Variants in TRAK1 observed in about 807,000 individuals in gnomAD.
TRAK1 encodes trafficking kinesin protein 1.
TRAK1 carries 33 observed loss-of-function variants against 92.1 expected under a neutral mutation model. That is an observed-to-expected ratio of 0.36 (90% CI 0.27 to 0.48). The LOEUF is 0.48. Among genes scored for constraint, TRAK1 ranks in the 20% least tolerant of loss-of-function variants. The probability of loss-of-function intolerance (pLI) is 0.99; values close to 1 mark genes in which losing one functional copy is unlikely to be tolerated. For missense variants in TRAK1, 1,123 were observed against 1,257.9 expected (o/e 0.89, Z 1.62); for synonymous variants, 521 against 517.3 (o/e 1.01, Z -0.10).
Position 42,193,124 on chromosome 3 carries a change from G to A in TRAK1, c.819G>A (p.Lys273=). The change falls in exon 8 of 16, where the codon AAG becomes AAA. Residue 273 remains lysine, a synonymous_variant. Coordinates refer to ENST00000327628, the MANE Select transcript of TRAK1 (RefSeq NM_001042646.3). ...GTATCTCAGAGGAACTGGCCAAGAA[G>A]ACGGAAGATGCTGCCCGCCAGCAAG... ...IASISEELAK[K]TEDAARQQEE... 1.2e-6 allele frequency: 2 copies of A among 1,614,236 alleles called. No individual in the cohort carries two copies. The highest frequency in any genetic ancestry group is 1.7e-6 in the Non-Finnish European group (2 of 1,180,030).
chr3:42,041,582 C>T (rs1702540466), intron 1 of TRAK1, among the ~76,000 whole-genome samples: 1 of 142,370 alleles, frequency 7.0e-6, no homozygotes, highest in African/African-American at 2.8e-5. Flanking sequence ...ATTCTTCCTC[C>T]TCAATATGAG....
rs1361300218 is a variant in TRAK1, at chr3:42,030,727, T to C, written c.-519+16610T>C. 3.0e-5 allele frequency among the ~76,000 whole-genome samples: 2 copies of C among 66,778 alleles called. 1 individual carries two copies. Among genetic ancestry groups the C allele is most frequent in the Non-Finnish European group, 6.5e-5 (2 of 30,908 alleles). 43.8% of individuals were successfully genotyped at this position (66,778 alleles called of 152,430 possible). On this transcript the variant is annotated intron_variant, in intron 1 of 16. Transcript: ENST00000487159. ...ATATATATATATATATATATATATA[T>C]ATATATATATATATGTAACTTGTTG...
At chr3:42,130,789 A>AAAC (rs959228105) in intron 2 of TRAK1, among the ~76,000 whole-genome samples, 1 of 152,154 alleles carries the variant, frequency 6.6e-6, no homozygotes, top group Non-Finnish European at 1.5e-5. Context: ...ACTTAAAAGT[A>AAAC]AACAACAACA....
intron 13 of TRAK1, chr3:42,204,039 T>G: frequency 2.0e-6 from 2 of 984,968 alleles, no homozygotes; most frequent in Admixed American, 6.1e-5. Context: ...TTATTATTAT[T>G]TTAAAATTGT....
intron 10 of TRAK1, among the ~76,000 whole-genome samples, chr3:42,197,671 C>T (rs747213132): frequency 6.6e-6 from 1 of 152,176 alleles, no homozygotes; most frequent in Admixed American, 6.5e-5. Context: ...CTGGACATAA[C>T]GTTTAATGGC....
At chr3:42,160,370 G>T (rs1364402074) in intron 2 of TRAK1, 1 of 1,614,198 alleles carries the variant, frequency 6.2e-7, no homozygotes, top group Admixed American at 1.7e-5. Flanking sequence ...CAATGTCCCT[G>T]CGAGACAAGG....
chr3:42,203,008 G>C, intron 13 of TRAK1: 1 of 1,291,382 alleles, frequency 7.7e-7, no homozygotes, highest in Non-Finnish European at 9.8e-7. Flanking sequence ...TGTGCACTGT[G>C]GTCTTCTAGT....
chr3:42,120,655 C>T (rs1264501173), intron 1 of TRAK1, among the ~76,000 whole-genome samples: 1 of 152,184 alleles, frequency 6.6e-6, no homozygotes, highest in Non-Finnish European at 1.5e-5. Context: ...TCAAGTGATT[C>T]TCCTGCCTTA....
intron 1 of TRAK1, among the ~76,000 whole-genome samples, chr3:42,124,172 C>T (rs1576478745): frequency 6.6e-6 from 1 of 151,272 alleles, no homozygotes; most frequent in Admixed American, 6.6e-5. Flanking sequence ...CAGTAATATT[C>T]TTATCTTTTG....
rs1710693711 is a variant in TRAK1, at chr3:42,225,624, A to G, written c.*1887A>G. On this transcript the variant is annotated 3_prime_UTR_variant, in exon 16 of 16. Transcript: ENST00000327628. ...CCAGAAATACCATGTAAAAATTGGCAGTTCAGAGGTTGCAATACTTAGTAT... is the reference window on the plus strand; with the variant it reads ...CCAGAAATACCATGTAAAAATTGGCGGTTCAGAGGTTGCAATACTTAGTAT... 2 of 152,276 alleles carry G rather than the reference A, an allele frequency of 1.3e-5. No homozygotes were observed. The highest frequency in any genetic ancestry group is 4.8e-5 in the African/African-American group (2 of 41,468). 9.4% of individuals were successfully genotyped at this position (152,276 alleles called of 1,614,324 possible). A position where few individuals can be genotyped will look rare whatever the true frequency, so the allele number is the denominator to read the frequency against.
intron 10 of TRAK1, among the ~76,000 whole-genome samples, chr3:42,197,978 G>C (rs772505638): frequency 6.6e-6 from 1 of 152,214 alleles, no homozygotes; most frequent in Non-Finnish European, 1.5e-5. Flanking sequence ...CACATTTCTT[G>C]TGCTCACTAG....
chr3:42,202,392 G>T lies in TRAK1; in HGVS notation c.1428-44G>T. 6.9e-7 allele frequency: 1 copy of T among 1,449,076 alleles called. No individual in the cohort carries two copies. The allele number at this position is 1,449,076 out of a possible 1,614,324, so 89.8% of individuals were successfully genotyped here. A position where few individuals can be genotyped will look rare whatever the true frequency, so the allele number is the denominator to read the frequency against. On this transcript the variant is annotated intron_variant, in intron 12 of 15. Coordinates refer to ENST00000327628, the MANE Select transcript of TRAK1 (RefSeq NM_001042646.3). This position sits in a 1 kb window ranked among gnomAD's most constrained non-coding sequence, Gnocchi z 6.1. ...GAGCAGTCGGGCCTCTGTGGCCTTG[G>T]AGCCCTGCTGGCATTCCACCCTCAC...
chr3:42,032,430 T>C (rs1387703212), intron 1 of TRAK1, among the ~76,000 whole-genome samples: 2 of 149,292 alleles, frequency 1.3e-5, no homozygotes, highest in Non-Finnish European at 2.9e-5. Context: ...TGCCAAGTAC[T>C]GTGGGAAGCC....
Position 42,194,859 on chromosome 3 carries a change from A to G in TRAK1, c.1031A>G (p.Gln344Arg), listed in dbSNP as rs144731827. The G allele has an allele frequency of 6.2e-7, 1 of 1,613,876 alleles. No individual in the cohort carries two copies. The highest frequency in any genetic ancestry group is 8.5e-7 in the Non-Finnish European group (1 of 1,179,968). The change falls in exon 10 of 16, where the codon CAG (glutamine) becomes CGG (arginine). Residue 344 changes from glutamine to arginine, a missense_variant. Physicochemically the swap from Gln to Arg is conservative, Grantham distance 43. This residue lies in a region of TRAK1 where 686 missense variants were observed against 747.6 expected (regional missense o/e 0.92). Coordinates refer to ENST00000327628, the MANE Select transcript of TRAK1 (RefSeq NM_001042646.3). ...AECMEMLHEA[Q>R]EELKNLRNKT... is the part of the protein sequence containing the mutation. ...TGCATGGAGATGCTGCATGAGGCGC[A>G]GGAGGAGCTGAAGAACCTCCGGAAC... is the stretch of plus-strand genomic sequence containing the variant.
At chr3:42,045,211 G>A (rs1224989454) in intron 1 of TRAK1, among the ~76,000 whole-genome samples, 2 of 152,084 alleles carry the variant, frequency 1.3e-5, no homozygotes, top group Non-Finnish European at 2.9e-5. Flanking sequence ...TAAAAATTTT[G>A]AAGGAGGAAT....
intron 10 of TRAK1, among the ~76,000 whole-genome samples, chr3:42,196,945 C>CTCTCCTT (rs1206886444): frequency 6.6e-6 from 1 of 151,316 alleles, no homozygotes; most frequent in Non-Finnish European, 1.5e-5. Flanking sequence ...ACTAATTTCT[C>CTCTCCTT]TCTCCTTTCT....
chr3:42,097,507 C>T (rs543037536), intron 1 of TRAK1, among the ~76,000 whole-genome samples: 49 of 152,282 alleles, frequency 3.2e-4, no homozygotes, highest in Non-Finnish European at 5.0e-4. Context: ...TCTTGATTTA[C>T]GTTCCTCAGT....
intron 1 of TRAK1, among the ~76,000 whole-genome samples, chr3:42,076,972 C>T (rs994409528): frequency 1.1e-4 from 17 of 152,240 alleles, no homozygotes; most frequent in African/African-American, 3.4e-4. Context: ...GGCTCTGTAA[C>T]CTGTTCCATT....
intron 2 of TRAK1, among the ~76,000 whole-genome samples, chr3:42,139,197 T>C (rs1341999641): frequency 6.6e-6 from 1 of 152,216 alleles, no homozygotes; most frequent in African/African-American, 2.4e-5. Context: ...GTGTCCTTTC[T>C]GTCATCCCTA....
Sources: allele counts gnomAD v4.1 joint callset (sites outside exome capture counted in the v4.1 genomes callset), GRCh38; gene constraint gnomAD v4.1.1; regional missense constraint gnomAD v4.1.1; non-coding constraint Gnocchi (gnomAD v3.1); transcripts MANE v1.5; gene names NCBI Gene and HGNC (gene_info 2026-07-23, HGNC 2026-07-21).